The following ZFP91 variants were observed in gnomAD, a reference collection of about 807,000 sequenced individuals.
ZFP91 encodes ZFP91 zinc finger protein, atypical E3 ubiquitin ligase.
Under a neutral mutation model 63.5 loss-of-function variants are expected in ZFP91, and 7 were observed. That is an observed-to-expected ratio of 0.11 (90% confidence interval 0.06 to 0.21). The LOEUF is 0.21. Among genes scored for constraint, ZFP91 ranks in the 10% least tolerant of loss-of-function variants. The pLI, the probability that ZFP91 is intolerant of heterozygous loss-of-function variation, is 1.00. For missense variants in ZFP91, 628 were observed against 736.6 expected, an observed-to-expected ratio of 0.85 and a Z score of 1.71; for synonymous variants, 330 against 272.1, an observed-to-expected ratio of 1.21 and a Z score of -2.10.
Position 58,617,102 on chromosome 11 carries a change from G to GTGTA in ZFP91, c.1203-93_1203-92insGTAT. The GTGTA allele has an allele frequency of 9.4e-7, 1 of 1,068,398 alleles. No homozygotes were observed. The highest frequency in any genetic ancestry group is 2.5e-5 in the Admixed American group (1 of 40,528). 66.2% of individuals were successfully genotyped at this position (1,068,398 alleles called of 1,614,324 possible). ...TGTGTGTGTGTGTGTGTGTGTGTAT[G>GTGTA]TATATATATGCTCTAAACTCTAACC... On this transcript the variant is annotated intron_variant, in intron 10 of 10. Coordinates refer to ENST00000316059, the MANE Select transcript of ZFP91 (RefSeq NM_053023.5). This position sits in a 1 kb window ranked among gnomAD's most constrained non-coding sequence, Gnocchi z 4.2.
chr11:58,612,156 A>G, intron 6 of ZFP91, 122 bp from the exon 7 acceptor site: 1 of 960,928 alleles, frequency 1.0e-6, no homozygotes, highest in East Asian at 2.6e-5. Context: ...GACTTTATGT[A>G]TTCTTGGTTA....
At chr11:58,584,183 C>T (rs2134388517) in intron 1 of ZFP91, among the ~76,000 whole-genome samples, 1 of 152,124 alleles carries the variant, frequency 6.6e-6, no homozygotes, top group East Asian at 1.9e-4. Flanking sequence ...TTGTAAAGGG[C>T]AAGTTACATT....
chr11:58,599,803 G>A (rs900905079), intron 2 of ZFP91, among the ~76,000 whole-genome samples: 2 of 152,042 alleles, frequency 1.3e-5, no homozygotes, highest in Non-Finnish European at 1.5e-5. Flanking sequence ...TCACTTCTAT[G>A]CATTTTTTAG....
At chr11:58,603,160 A>G (rs905101662) in intron 2 of ZFP91, among the ~76,000 whole-genome samples, 3 of 152,222 alleles carry the variant, frequency 2.0e-5, no homozygotes, top group African/African-American at 7.2e-5. Flanking sequence ...GTGTTCTATC[A>G]TTGGGTAAGC....
In ZFP91 at chr11:58,579,187, G is replaced by C; in HGVS notation, c.-95G>C. 2 of 1,086,902 alleles carry C rather than the reference G, an allele frequency of 1.8e-6. No individual in the cohort carries two copies. The highest frequency in any genetic ancestry group is 6.6e-5 in the East Asian group (2 of 30,430). The allele number at this position is 1,086,902 out of a possible 1,614,324, so 67.3% of individuals were successfully genotyped here. A position where few individuals can be genotyped will look rare whatever the true frequency, so the allele number is the denominator to read the frequency against. ...AGCGCAGGGTGAGAGTGAGCCGCAG[G>C]CTTCGGGAGGCGAGGGGGCGGGGGG... is the stretch of plus-strand genomic sequence containing the variant. On this transcript the variant is annotated 5_prime_UTR_variant, in exon 1 of 11. Coordinates refer to ENST00000316059, the MANE Select transcript of ZFP91 (RefSeq NM_053023.5).
intron 2 of ZFP91, among the ~76,000 whole-genome samples, chr11:58,601,196 G>T (rs1007161968): frequency 1.3e-5 from 2 of 152,192 alleles, no homozygotes; most frequent in East Asian, 3.8e-4. Context: ...TTCTTTAAAT[G>T]TGTGGTAGAA....
intron 1 of ZFP91, 72 bp downstream of exon 1, chr11:58,579,694 C>T (rs752316676): frequency 1.3e-5 from 18 of 1,362,144 alleles, no homozygotes; most frequent in East Asian, 8.5e-5. Context: ...GCTCCCGTAG[C>T]GCCTACTCCA....
In ZFP91 at chr11:58,619,017, T is replaced by C. The variant is rs908175323; in HGVS notation, c.*1311T>C. 3 of 204,482 alleles carry C rather than the reference T, an allele frequency of 1.5e-5. No homozygotes were observed. Among genetic ancestry groups the C allele is most frequent in the Non-Finnish European group, 2.0e-5 (2 of 100,942 alleles). 12.7% of individuals were successfully genotyped at this position (204,482 alleles called of 1,614,324 possible). On this transcript the variant is annotated 3_prime_UTR_variant, in exon 11 of 11. Transcript: ENST00000316059. The stretch of plus-strand genomic sequence containing the variant: ...GGGGCCCATCTCTGGCTCCTTGCTT[T>C]TTGTTTCTTGCTTTGCTTTATCAGT...
At chr11:58,584,263 G>A (rs1855167244) in intron 1 of ZFP91, among the ~76,000 whole-genome samples, 1 of 151,906 alleles carries the variant, frequency 6.6e-6, no homozygotes, top group East Asian at 1.9e-4. Context: ...CAATTTTAGG[G>A]TCTTTTTAAC....
intron 2 of ZFP91, among the ~76,000 whole-genome samples, chr11:58,596,125 A>T (rs1855397281): frequency 2.0e-5 from 3 of 152,220 alleles, no homozygotes; most frequent in Non-Finnish European, 2.9e-5. Context: ...GTATTCTTAC[A>T]GTAAAATAAT....
Position 58,617,085 on chromosome 11 carries a change from TG to T in ZFP91, c.1203-110del. The T allele has an allele frequency of 1.0e-6, 1 of 957,754 alleles. No individual in the cohort carries two copies. The allele number at this position is 957,754 out of a possible 1,614,324, so 59.3% of individuals were successfully genotyped here. ...TTACTGATTATTGTGTGTGTGTGTGTGTGTGTGTGTGTGTATGTATATATAT... is the reference window on the plus strand; with the variant it reads ...TTACTGATTATTGTGTGTGTGTGTGTTGTGTGTGTGTGTATGTATATATAT... On this transcript the variant is annotated intron_variant, in intron 10 of 10. Coordinates refer to ENST00000316059, the MANE Select transcript of ZFP91 (RefSeq NM_053023.5). This position sits in a 1 kb window ranked among gnomAD's most constrained non-coding sequence, Gnocchi z 4.2.
chr11:58,613,872 C>T (rs755324991), intron 8 of ZFP91, among the ~76,000 whole-genome samples: 9 of 152,110 alleles, frequency 5.9e-5, no homozygotes, highest in Non-Finnish European at 8.8e-5. Flanking sequence ...TAACAATAGC[C>T]GCTCCTCCTC....
At chr11:58,584,746 C>A in intron 1 of ZFP91, 110 bp from the exon 2 acceptor site, 1 of 960,650 alleles carries the variant, frequency 1.0e-6, no homozygotes, top group Non-Finnish European at 1.5e-6. Flanking sequence ...TAGGACAACA[C>A]TAGTCTAGAT....
chr11:58,612,391 A>T, intron 7 of ZFP91, 63 bp downstream of exon 7: 1 of 1,535,926 alleles, frequency 6.5e-7, no homozygotes, highest in South Asian at 1.2e-5. Context: ...TTACTCACAA[A>T]TTTAGACTTC....
intron 1 of ZFP91, among the ~76,000 whole-genome samples, chr11:58,580,572 A>C (rs1855096292): frequency 6.6e-6 from 1 of 152,232 alleles, no homozygotes. Context: ...AGGGGGAGTC[A>C]GTTTTAAGTG....
rs1701438870 is a variant in ZFP91, at chr11:58,579,137, G to C, written c.-145G>C. 1 of 669,216 alleles carries C rather than the reference G, an allele frequency of 1.5e-6. No homozygotes were observed. Among genetic ancestry groups the C allele is most frequent in the Middle Eastern group, 4.7e-4 (1 of 2,144 alleles). The allele number at this position is 669,216 out of a possible 1,614,324, so 41.5% of individuals were successfully genotyped here. On this transcript the variant is annotated 5_prime_UTR_variant, in exon 1 of 11. Coordinates refer to ENST00000316059, the MANE Select transcript of ZFP91 (RefSeq NM_053023.5). ...GGGTGGGGGGGGCGCCCTCGGAGCC[G>C]GGCGGAGGGGAGGGGGGAAAGAGGA... is the stretch of plus-strand genomic sequence containing the variant.
chr11:58,596,158 A>T lies in ZFP91; in HGVS notation c.370+11274A>T, dbSNP rs559852155. Among the ~76,000 whole-genome samples, 24 of 152,308 alleles carry T rather than the reference A, an allele frequency of 1.6e-4. No homozygotes were observed. The South Asian group carries it at 4.1e-3, about 26-fold the overall frequency. ...AATCTGGAGAGAAGAAAATTTATTT[A>T]AAAAAACCATAAGGAAGAGAATATA... On this transcript the variant is annotated intron_variant, in intron 2 of 10. Transcript: ENST00000316059.
intron 2 of ZFP91, among the ~76,000 whole-genome samples, chr11:58,595,532 A>G (rs1037306487): frequency 6.6e-6 from 1 of 151,742 alleles, no homozygotes; most frequent in African/African-American, 2.4e-5. Context: ...TCTGCTATCT[A>G]GAAGAATTAG....
In ZFP91 at chr11:58,617,839, A is replaced by G. The variant is rs1358208111; in HGVS notation, c.*133A>G. On this transcript the variant is annotated 3_prime_UTR_variant, in exon 11 of 11. Coordinates refer to ENST00000316059, the MANE Select transcript of ZFP91 (RefSeq NM_053023.5). The surrounding 1 kb of genome is among the most constrained non-coding windows in gnomAD (Gnocchi z 4.2). ...GCCTGCTCTTTCCATTGTGGATCAC[A>G]GCACACACATACATACACCCTCCAC... The G allele has an allele frequency of 1.6e-6, 2 of 1,278,186 alleles. No homozygotes were observed. The highest frequency in any genetic ancestry group is 2.1e-6 in the Non-Finnish European group (2 of 973,318). 79.2% of individuals were successfully genotyped at this position (1,278,186 alleles called of 1,614,324 possible).
Sources: gnomAD v4.1 joint callset for allele counts (sites outside exome capture counted in the v4.1 genomes callset) on GRCh38, gnomAD v4.1.1 for gene constraint, Gnocchi (gnomAD v3.1) non-coding constraint, MANE v1.5 for transcripts, NCBI Gene and HGNC (gene_info 2026-07-23, HGNC 2026-07-21) for gene names.